USP10: variants seen among roughly 807,000 people sequenced by gnomAD.
The protein encoded by USP10 is ubiquitin specific peptidase 10.
In USP10, 22 loss-of-function variants were observed where a neutral mutation model predicts 84.5. The observed-to-expected ratio is 0.26, with a 90% CI of 0.19 to 0.37. The LOEUF is 0.37. Among genes scored for constraint, USP10 ranks in the 10% least tolerant of loss-of-function variants. The pLI is 1.00. For synonymous variants in USP10, 454 were observed against 387.6 expected (o/e 1.17, Z -2.01); for missense variants, 1,019 against 998.9 (o/e 1.02, Z -0.27).
chr16:84,772,799 C>G lies in USP10; in HGVS notation c.2143+114C>G. On this transcript the variant is annotated intron_variant, in intron 12 of 13. Transcript: ENST00000219473. ...AGAGTGAGGACATTCTCTTGCTGGA[C>G]GTGGACTTGTTTTAAGTTTCTTGAC... The G allele has an allele frequency of 2.2e-6, 3 of 1,356,268 alleles. No homozygotes were observed. The South Asian group carries it at 4.4e-5, about 20-fold the overall frequency. 84.0% of individuals were successfully genotyped at this position (1,356,268 alleles called of 1,614,324 possible). A position where few individuals can be genotyped will look rare whatever the true frequency, so the allele number is the denominator to read the frequency against.
At chr16:84,719,198 T>C (rs972951574) in intron 1 of USP10, among the ~76,000 whole-genome samples, 3 of 152,228 alleles carry the variant, frequency 2.0e-5, no homozygotes, top group African/African-American at 7.2e-5. Context: ...CATCTGGATG[T>C]TGTTCATCAA....
At chr16:84,705,456 C>G (rs1208597864) in intron 1 of USP10, among the ~76,000 whole-genome samples, 4 of 152,000 alleles carry the variant, frequency 2.6e-5, no homozygotes, top group African/African-American at 9.7e-5. Context: ...TGGTCTCCAT[C>G]TCCTGACCTC....
At chr16:84,732,036 T>C (rs1207799874) in intron 1 of USP10, among the ~76,000 whole-genome samples, 2 of 152,230 alleles carry the variant, frequency 1.3e-5, no homozygotes, top group East Asian at 1.9e-4. Flanking sequence ...CTTTTGCAAG[T>C]ATATGTAAAT....
intron 4 of USP10, among the ~76,000 whole-genome samples, chr16:84,757,351 T>G (rs549700297): frequency 1.3e-4 from 19 of 150,490 alleles, no homozygotes; most frequent in Non-Finnish European, 1.9e-4. Context: ...CTTCTTCAGT[T>G]AGAAGGAAGA....
intron 6 of USP10, 120 bp from the exon 7 acceptor site, chr16:84,759,771 T>C (rs1912988208): frequency 1.9e-6 from 2 of 1,044,230 alleles, no homozygotes; most frequent in Admixed American, 2.0e-5. Flanking sequence ...TGTTACAGCA[T>C]TGGTTACCTA....
At chr16:84,754,349 C>G (rs1010460938) in intron 4 of USP10, among the ~76,000 whole-genome samples, 4 of 152,084 alleles carry the variant, frequency 2.6e-5, no homozygotes, top group Non-Finnish European at 4.4e-5. Context: ...TTGTTCGTGT[C>G]TCTTCTGTAT....
intron 1 of USP10, among the ~76,000 whole-genome samples, chr16:84,720,576 ATTTTTT>A (rs10699847): frequency 1.5e-4 from 13 of 88,340 alleles, no homozygotes; most frequent in African/African-American, 3.8e-4. Context: ...ATGATGCCCA[ATTTTTT>A]TTTTTTTTTT....
At chr16:84,740,687 T>A (rs930254030) in intron 3 of USP10, among the ~76,000 whole-genome samples, 1 of 152,258 alleles carries the variant, frequency 6.6e-6, no homozygotes, top group Non-Finnish European at 1.5e-5. Flanking sequence ...AAGCGAACTT[T>A]GGGTCTTGTT....
intron 1 of USP10, among the ~76,000 whole-genome samples, chr16:84,701,535 A>T (rs79214119): frequency 0.037 from 5,602 of 152,320 alleles, 137 homozygotes; most frequent in South Asian, 0.14. Flanking sequence ...TAACTAGCTT[A>T]TTAGAATTGG....
intron 13 of USP10, among the ~76,000 whole-genome samples, chr16:84,777,954 GTGCCCCTC>G (rs779927793): frequency 5.3e-5 from 8 of 152,206 alleles, no homozygotes; most frequent in Admixed American, 1.3e-4. Flanking sequence ...AGGCAGACCT[GTGCCCCTC>G]TGCTCCATAG....
chr16:84,757,435 G>A (rs1912712897), intron 4 of USP10, among the ~76,000 whole-genome samples: 1 of 147,710 alleles, frequency 6.8e-6, no homozygotes, highest in Non-Finnish European at 1.5e-5. Context: ...GTGTGTGTGT[G>A]TGTGTGTGTG....
At chr16:84,702,229 T>G (rs1438718042) in intron 1 of USP10, among the ~76,000 whole-genome samples, 1 of 151,810 alleles carries the variant, frequency 6.6e-6, no homozygotes, top group Non-Finnish European at 1.5e-5. Flanking sequence ...GCTAATTTTT[T>G]GTATTTTTAT....
intron 1 of USP10, among the ~76,000 whole-genome samples, chr16:84,705,351 C>T (rs1195652552): frequency 1.3e-5 from 2 of 151,852 alleles, no homozygotes; most frequent in Non-Finnish European, 2.9e-5. Context: ...CCTGCCTCAG[C>T]CTCCTGAGTA....
At chr16:84,730,976 CTTTTTTTT>C (rs11401851) in intron 1 of USP10, among the ~76,000 whole-genome samples, 1 of 105,064 alleles carries the variant, frequency 9.5e-6, no homozygotes, top group Non-Finnish European at 1.9e-5. Context: ...GCATTTCTAC[CTTTTTTTT>C]TTTTTTTTTT....
At chr16:84,704,581 G>T (rs1486425157) in intron 1 of USP10, among the ~76,000 whole-genome samples, 1 of 152,208 alleles carries the variant, frequency 6.6e-6, no homozygotes, top group Non-Finnish European at 1.5e-5. Flanking sequence ...AATACAGGCT[G>T]GATGAAGAAT....
intron 1 of USP10, among the ~76,000 whole-genome samples, chr16:84,722,842 C>G (rs553690090): frequency 6.6e-6 from 1 of 152,290 alleles, no homozygotes; most frequent in East Asian, 1.9e-4. Flanking sequence ...AGGTGTGAGC[C>G]ACTGCGTCCG....
chr16:84,750,080 A>G (rs1003112985), intron 4 of USP10, among the ~76,000 whole-genome samples: 14 of 152,080 alleles, frequency 9.2e-5, no homozygotes, highest in Non-Finnish European at 7.4e-5. Flanking sequence ...CTGAGAGGAG[A>G]TGGTTGCCAT....
Position 84,713,364 on chromosome 16 carries a change from C to T in USP10, c.21+13253C>T, listed in dbSNP as rs575291819. Among the ~76,000 whole-genome samples, 11 of 152,192 alleles carry T rather than the reference C, an allele frequency of 7.2e-5. No homozygotes were observed. The South Asian group carries it at 2.3e-3, about 32-fold the overall frequency. ...TCTGTGCCTGGGCCATCTTCTTACA[C>T]CCACTTTACCCACCTTTAAAATTGC... is the stretch of plus-strand genomic sequence containing the variant. On this transcript the variant is annotated intron_variant, in intron 1 of 13. Coordinates refer to ENST00000219473, the MANE Select transcript of USP10 (RefSeq NM_005153.3).
At chr16:84,775,016 T>C (rs2303231) in intron 12 of USP10, 144 bp from the exon 13 acceptor site, 1 of 684,900 alleles carries the variant, frequency 1.5e-6, no homozygotes, top group South Asian at 1.5e-5. Context: ...TCAATTTTTG[T>C]GCAACTGAAG....
Sources: allele counts gnomAD v4.1 joint callset (sites outside exome capture counted in the v4.1 genomes callset), GRCh38; gene constraint gnomAD v4.1.1; transcripts MANE v1.5; gene names NCBI Gene and HGNC (gene_info 2026-07-23, HGNC 2026-07-21).